DDR2: variants seen among roughly 807,000 people sequenced by gnomAD.
The protein encoded by DDR2 is discoidin domain-containing receptor 2.
Under a neutral mutation model 94.9 loss-of-function variants are expected in DDR2, and 27 were observed. The observed-to-expected ratio is 0.28, with a 90% CI of 0.21 to 0.39. DDR2 has a LOEUF of 0.39. Among genes scored for constraint, DDR2 ranks in the 10% least tolerant of loss-of-function variants. The probability of loss-of-function intolerance (pLI) is 1.00; values close to 1 mark genes in which losing one functional copy is unlikely to be tolerated. For missense variants in DDR2, 783 were observed against 1,076.0 expected, an observed-to-expected ratio of 0.73 and a Z score of 3.81; for synonymous variants, 382 against 377.2, an observed-to-expected ratio of 1.01 and a Z score of -0.15.
intron 2 of DDR2, among the ~76,000 whole-genome samples, chr1:162,684,702 G>C (rs1013077720): frequency 6.6e-5 from 10 of 151,916 alleles, no homozygotes; most frequent in African/African-American, 2.4e-4. Flanking sequence ...TTCTTAAAAT[G>C]ATTCAAACCA....
At chr1:162,751,364 G>C (rs2102122154) in intron 3 of DDR2, among the ~76,000 whole-genome samples, 1 of 152,270 alleles carries the variant, frequency 6.6e-6, no homozygotes, top group South Asian at 2.1e-4. Flanking sequence ...CTCAAAAGAA[G>C]ATATTTATGC....
rs138400278 is a variant in DDR2 at position 162,668,977 on chromosome 1, C to T, written c.-28+13603C>T. On this transcript the variant is annotated intron_variant, in intron 2 of 17. Coordinates refer to ENST00000367921, the MANE Select transcript of DDR2 (RefSeq NM_006182.4). ...TTATCCATTCACAGAAATCTGGCAG[C>T]GGAGTCAGGGGCAGACTCCTGACAT... Among the ~76,000 whole-genome samples, 305 of 152,202 alleles carry T rather than the reference C, an allele frequency of 2.0e-3. 2 individuals carry two copies. The highest frequency in any genetic ancestry group is 6.9e-3 in the African/African-American group (287 of 41,502).
chr1:162,673,683 C>G lies in DDR2; in HGVS notation c.-28+18309C>G, dbSNP rs560243851. ...AGCCAGAATCTGTTTTTTAAGAACT[C>G]TCAATGATTCAGATCTCCATTTTTT... On this transcript the variant is annotated intron_variant, in intron 2 of 17. Coordinates refer to ENST00000367921, the MANE Select transcript of DDR2 (RefSeq NM_006182.4). Among the ~76,000 whole-genome samples, 70 of 151,832 alleles carry G rather than the reference C, an allele frequency of 4.6e-4. 2 individuals are homozygous for G. Among genetic ancestry groups the G allele is most frequent in the African/African-American group, 1.7e-3 (69 of 41,328 alleles).
chr1:162,642,450 T>G (rs1331177606), intron 1 of DDR2, among the ~76,000 whole-genome samples: 6 of 47,660 alleles, frequency 1.3e-4, no homozygotes, highest in South Asian at 1.2e-3. Flanking sequence ...TTTTCTGTGT[T>G]TTTTTTTTTT....
intron 14 of DDR2, among the ~76,000 whole-genome samples, chr1:162,774,200 T>A (rs540946957): frequency 6.6e-6 from 1 of 152,304 alleles, no homozygotes; most frequent in African/African-American, 2.4e-5. Context: ...AAATTGCAGT[T>A]TCCAGCCACA....
intron 2 of DDR2, among the ~76,000 whole-genome samples, chr1:162,716,830 C>T (rs1661188682): frequency 6.6e-6 from 1 of 152,078 alleles, no homozygotes; most frequent in African/African-American, 2.4e-5. Flanking sequence ...TTTACTCCAT[C>T]CCTGTTATTG....
At chr1:162,725,582 T>C (rs896560619) in intron 3 of DDR2, among the ~76,000 whole-genome samples, 7 of 152,058 alleles carry the variant, frequency 4.6e-5, no homozygotes, top group Admixed American at 3.3e-4. Context: ...TTTTGCCATG[T>C]TGGCCAGACT....
At chr1:162,647,655 C>T (rs749225035) in intron 1 of DDR2, among the ~76,000 whole-genome samples, 1 of 152,182 alleles carries the variant, frequency 6.6e-6, no homozygotes, top group Non-Finnish European at 1.5e-5. Context: ...AACTGAGGAT[C>T]CCTACCCTTT....
chr1:162,741,650 A>G, intron 3 of DDR2: 1 of 985,418 alleles, frequency 1.0e-6, no homozygotes, highest in Non-Finnish European at 1.2e-6. Flanking sequence ...TGCCTTGGAC[A>G]GCTAGATCTT....
intron 9 of DDR2, 81 bp downstream of exon 9, chr1:162,761,535 A>G (rs2102156737): frequency 1.2e-6 from 2 of 1,606,098 alleles, no homozygotes; most frequent in East Asian, 2.2e-5. Flanking sequence ...TCTCATTAGC[A>G]GGTCTCTGAG....
intron 4 of DDR2, among the ~76,000 whole-genome samples, 185 bp downstream of exon 4, chr1:162,753,382 C>A (rs1663307930): frequency 6.6e-6 from 1 of 152,180 alleles, no homozygotes. Flanking sequence ...TAGGACTTAG[C>A]CACATGTACT....
chr1:162,763,523 T>C (rs565615529), intron 9 of DDR2, among the ~76,000 whole-genome samples: 1 of 152,054 alleles, frequency 6.6e-6, no homozygotes, highest in Admixed American at 6.6e-5. Context: ...TTAAGGGGGC[T>C]CTTTGCTCTT....
intron 7 of DDR2, among the ~76,000 whole-genome samples, chr1:162,758,146 A>C (rs1663548514): frequency 6.6e-6 from 1 of 152,124 alleles, no homozygotes; most frequent in Non-Finnish European, 1.5e-5. Flanking sequence ...AGGTAGCCGG[A>C]ATTATGGCTC....
chr1:162,662,732 G>A (rs981531483), intron 2 of DDR2, among the ~76,000 whole-genome samples: 1 of 152,062 alleles, frequency 6.6e-6, no homozygotes, highest in Non-Finnish European at 1.5e-5. Context: ...ATCAGATAAT[G>A]TTTGAATGAG....
intron 2 of DDR2, among the ~76,000 whole-genome samples, chr1:162,658,806 G>A (rs1337946196): frequency 2.8e-5 from 1 of 35,808 alleles, no homozygotes; most frequent in Non-Finnish European, 9.0e-5. Flanking sequence ...CAGCCTGGGT[G>A]ACAGAATGAG....
chr1:162,714,078 G>A (rs989272957), intron 2 of DDR2, among the ~76,000 whole-genome samples: 1 of 152,042 alleles, frequency 6.6e-6, no homozygotes, highest in African/African-American at 2.4e-5. Context: ...ACTTTTAGAT[G>A]TTTACAGCAT....
At chr1:162,694,243 C>T (rs901205374) in intron 2 of DDR2, among the ~76,000 whole-genome samples, 1 of 152,204 alleles carries the variant, frequency 6.6e-6, no homozygotes, top group Non-Finnish European at 1.5e-5. Context: ...CCTCCAGTGG[C>T]TCTGCTTTGC....
intron 1 of DDR2, among the ~76,000 whole-genome samples, chr1:162,648,433 T>C (rs1289172341): frequency 5.3e-5 from 8 of 152,100 alleles, no homozygotes; most frequent in African/African-American, 1.9e-4. Flanking sequence ...ATTGCATAGA[T>C]GGGTTTTCTG....
At chr1:162,644,758 G>A (rs1657325015) in intron 1 of DDR2, among the ~76,000 whole-genome samples, 2 of 151,928 alleles carry the variant, frequency 1.3e-5, no homozygotes, top group South Asian at 4.2e-4. Context: ...TACCACACCT[G>A]GCTAATTTTG....
Sources: allele counts gnomAD v4.1 joint callset (sites outside exome capture counted in the v4.1 genomes callset), GRCh38; gene constraint gnomAD v4.1.1; transcripts MANE v1.5; gene names NCBI Gene and HGNC (gene_info 2026-07-23, HGNC 2026-07-21).